PLEK: variants seen among roughly 807,000 people sequenced by gnomAD.
PLEK encodes the protein platelet 47 kDa protein.
Under a neutral mutation model 43.9 loss-of-function variants are expected in PLEK, and 25 were observed. That is an observed-to-expected ratio of 0.57 (90% CI 0.41 to 0.79). The LOEUF (loss-of-function observed/expected upper bound fraction) is 0.79, where lower values mean the gene tolerates loss of function less well. Among genes scored for constraint, PLEK ranks in the 30% least tolerant of loss-of-function variants. The pLI, the probability that PLEK is intolerant of heterozygous loss-of-function variation, is 0.00. For missense variants in PLEK, 396 were observed against 413.3 expected, an observed-to-expected ratio of 0.96 and a Z score of 0.36; for synonymous variants, 152 against 144.4, an observed-to-expected ratio of 1.05 and a Z score of -0.38.
At chr2:68,368,828 C>G (rs1474466699) in intron 1 of PLEK, among the ~76,000 whole-genome samples, 2 of 152,246 alleles carry the variant, frequency 1.3e-5, no homozygotes. Context: ...CAACCAACCT[C>G]ACAAGCACTT....
Position 68,396,145 on chromosome 2 carries a change from C to T in PLEK, c.*329C>T, listed in dbSNP as rs1242679591. On this transcript the variant is annotated 3_prime_UTR_variant, in exon 9 of 9. Transcript: ENST00000234313. ...TAGTAGATTCCTGAGGTCCCCCTAG[C>T]TTAAAAAAAAAAAAAATCTGCCCCA... 4 of 119,950 alleles carry T rather than the reference C, an allele frequency of 3.3e-5. No homozygotes were observed. In the East Asian group the frequency reaches 6.6e-4, roughly 20 times the overall value. 7.4% of individuals were successfully genotyped at this position (119,950 alleles called of 1,614,324 possible).
intron 5 of PLEK, among the ~76,000 whole-genome samples, chr2:68,387,197 C>A (rs938597998): frequency 4.0e-4 from 61 of 152,094 alleles, no homozygotes; most frequent in African/African-American, 1.3e-3. Context: ...GTAAAGACAG[C>A]GTTTCACCAT....
chr2:68,383,753 A>T (rs1673680033), intron 4 of PLEK, among the ~76,000 whole-genome samples: 1 of 152,194 alleles, frequency 6.6e-6, no homozygotes. Context: ...CTCTGAGCTG[A>T]TACAGCAAAT....
At chr2:68,377,357 T>C (rs1673525944) in intron 1 of PLEK, among the ~76,000 whole-genome samples, 1 of 152,192 alleles carries the variant, frequency 6.6e-6, no homozygotes, top group Non-Finnish European at 1.5e-5. Context: ...CTGTTCTTCA[T>C]AGTGTTTGTA....
At chr2:68,381,033 TG>T (rs1245934421) in intron 3 of PLEK, 129 bp downstream of exon 3, 6 of 777,342 alleles carry the variant, frequency 7.7e-6, no homozygotes, top group African/African-American at 1.7e-5. Context: ...TACTGGCACT[TG>T]GTGTACTAAA....
In PLEK at chr2:68,380,813, A is replaced by G; in HGVS notation, c.289A>G (p.Lys97Glu). 6.2e-7 allele frequency: 1 copy of G among 1,613,976 alleles called. No homozygotes were observed. Among genetic ancestry groups the G allele is most frequent in the South Asian group, 1.1e-5 (1 of 91,082 alleles). Residue 97 changes from lysine (K) to glutamate (E), a missense_variant, in exon 3 of 9, where the codon AAG becomes GAG. Lys to Glu is a moderately conservative substitution (Grantham distance 56). Transcript: ENST00000234313. ...EERDAWVRDI[K>E]KAIKCIEGGQ... ...GAGAGATGCCTGGGTTCGGGATATC[A>G]AGAAGGCCATTAAATGCATTGAAGG...
intron 1 of PLEK, among the ~76,000 whole-genome samples, chr2:68,366,681 C>T (rs1020322608): frequency 5.9e-5 from 9 of 152,058 alleles, no homozygotes; most frequent in East Asian, 1.9e-4. Context: ...AGCTGTGCTT[C>T]GAAACATCCT....
At chr2:68,371,304 G>A (rs939025167) in intron 1 of PLEK, among the ~76,000 whole-genome samples, 7 of 152,090 alleles carry the variant, frequency 4.6e-5, no homozygotes, top group African/African-American at 1.7e-4. Context: ...AACAATCCAG[G>A]CATTCACACC....
chr2:68,391,814 C>T (rs747741423), intron 6 of PLEK, among the ~76,000 whole-genome samples: 43 of 152,144 alleles, frequency 2.8e-4, no homozygotes, highest in Non-Finnish European at 4.6e-4. Flanking sequence ...ATAGAAACTC[C>T]GTATCTTTTA....
chr2:68,392,157 C>G (rs1673872550), intron 6 of PLEK, among the ~76,000 whole-genome samples: 1 of 145,606 alleles, frequency 6.9e-6, no homozygotes, highest in Admixed American at 6.7e-5. Context: ...CCTTCCTCCC[C>G]CTTTTCTCCT....
At position 68,396,649 on chromosome 2, in the gene PLEK, G is replaced by A. The variant is rs1423682292; in HGVS notation, c.*833G>A. 3.3e-5 allele frequency: 5 copies of A among 151,892 alleles called. No individual in the cohort carries two copies. Among genetic ancestry groups the A allele is most frequent in the East Asian group, 3.9e-4 (2 of 5,180 alleles). 9.4% of individuals were successfully genotyped at this position (151,892 alleles called of 1,614,324 possible). On this transcript the variant is annotated 3_prime_UTR_variant, in exon 9 of 9. Transcript: ENST00000234313. The stretch of plus-strand genomic sequence containing the variant: ...TTCCTTTCTGGAGCATTTCTCTAAC[G>A]TTTATTACAATTAGGAGGGGGACCC...
chr2:68,378,676 C>T (rs918380229), intron 1 of PLEK, among the ~76,000 whole-genome samples: 1 of 152,192 alleles, frequency 6.6e-6, no homozygotes, highest in Non-Finnish European at 1.5e-5. Flanking sequence ...AATAATACAA[C>T]CTCTCATTTG....
intron 1 of PLEK, among the ~76,000 whole-genome samples, chr2:68,379,572 G>A (rs1169444331): frequency 5.3e-5 from 8 of 152,212 alleles, no homozygotes; most frequent in African/African-American, 9.6e-5. Context: ...AGCAAGATCT[G>A]CCGGCAGTTC....
chr2:68,369,650 G>A (rs1573068306), intron 1 of PLEK, among the ~76,000 whole-genome samples: 1 of 152,080 alleles, frequency 6.6e-6, no homozygotes, highest in Non-Finnish European at 1.5e-5. Context: ...TGTGGTGAAT[G>A]CTTTATGTAT....
intron 8 of PLEK, among the ~76,000 whole-genome samples, chr2:68,395,284 T>C (rs1184165097): frequency 6.6e-6 from 1 of 151,348 alleles, no homozygotes; most frequent in Non-Finnish European, 1.5e-5. Context: ...GATAGGTAGA[T>C]ATCAGGAGCA....
chr2:68,385,045 C>T (rs17529520), intron 4 of PLEK, among the ~76,000 whole-genome samples: 3,849 of 152,254 alleles, frequency 0.025, 67 homozygotes, highest in Middle Eastern at 0.051. Flanking sequence ...TGCTTTTGCC[C>T]GGATGACAGG....
intron 1 of PLEK, among the ~76,000 whole-genome samples, chr2:68,365,887 G>T (rs369716164): frequency 6.6e-6 from 1 of 151,844 alleles, no homozygotes; most frequent in Admixed American, 6.6e-5. Context: ...GAATTGACAC[G>T]TTTAAAAAAA....
chr2:68,374,093 T>G (rs1208387997), intron 1 of PLEK, among the ~76,000 whole-genome samples: 1 of 152,216 alleles, frequency 6.6e-6, no homozygotes, highest in East Asian at 1.9e-4. Context: ...ATCTCTGAAT[T>G]TCTGTATAAA....
At chr2:68,391,043 T>TGAACACTTGGGG (rs1388740320) in intron 6 of PLEK, among the ~76,000 whole-genome samples, 1 of 152,232 alleles carries the variant, frequency 6.6e-6, no homozygotes, top group African/African-American at 2.4e-5. Flanking sequence ...TGATTTATCA[T>TGAACACTTGGGG]AGGCAATGAA....
Sources: allele counts gnomAD v4.1 joint callset (sites outside exome capture counted in the v4.1 genomes callset), GRCh38; gene constraint gnomAD v4.1.1; transcripts MANE v1.5; gene names NCBI Gene and HGNC (gene_info 2026-07-23, HGNC 2026-07-21).